The following RBM6 variants were observed in gnomAD, a reference collection of about 807,000 sequenced individuals.
RBM6 encodes the protein RNA-binding protein 6.
Under a neutral mutation model 140.4 loss-of-function variants are expected in RBM6, and 23 were observed. The ratio of observed to expected loss-of-function variants is 0.16; its 90% CI spans 0.12 to 0.23. RBM6 has a LOEUF of 0.23. Among genes scored for constraint, RBM6 ranks in the 10% least tolerant of loss-of-function variants. The probability of loss-of-function intolerance (pLI) is 1.00; values close to 1 mark genes in which losing one functional copy is unlikely to be tolerated. For missense variants in RBM6, 1,139 were observed against 1,386.7 expected (o/e 0.82, Z 2.84); for synonymous variants, 439 against 475.6 (o/e 0.92, Z 1.00).
intron 6 of RBM6, among the ~76,000 whole-genome samples, chr3:50,003,633 G>T (rs1397814283): frequency 6.6e-6 from 1 of 152,192 alleles, no homozygotes; most frequent in Non-Finnish European, 1.5e-5. Flanking sequence ...AGTTGCTCAA[G>T]ATGATAACCA....
chr3:49,994,669 G>GGGGTGTGTGT (rs148704782), intron 5 of RBM6, among the ~76,000 whole-genome samples: 179 of 148,236 alleles, frequency 1.2e-3, no homozygotes, highest in East Asian at 2.4e-3. Flanking sequence ...AAGGCTGTGG[G>GGGGTGTGTGT]GTGTGTGTGT....
intron 5 of RBM6, among the ~76,000 whole-genome samples, chr3:49,982,267 T>TC (rs2085341867): frequency 8.0e-6 from 1 of 124,910 alleles, no homozygotes; most frequent in South Asian, 2.4e-4. Flanking sequence ...CTTTTCTTTT[T>TC]TTTTTTTTTT....
chr3:50,008,243 C>T (rs1235223346), intron 6 of RBM6, among the ~76,000 whole-genome samples: 1 of 152,264 alleles, frequency 6.6e-6, no homozygotes, highest in Admixed American at 6.5e-5. Flanking sequence ...TTTAAGGGAA[C>T]CTTCTGATAT....
At chr3:50,016,648 G>A (rs1380241569) in intron 6 of RBM6, among the ~76,000 whole-genome samples, 2 of 151,856 alleles carry the variant, frequency 1.3e-5, no homozygotes, top group African/African-American at 4.8e-5. Context: ...ATGCTAACAA[G>A]TATGAGGTGA....
chr3:50,011,866 T>G (rs7634917), intron 6 of RBM6, among the ~76,000 whole-genome samples: 65,201 of 144,288 alleles, frequency 0.45, 14,805 homozygotes, highest in East Asian at 0.84. Flanking sequence ...TTTCTTTTTT[T>G]CTGGGACACA....
chr3:49,993,834 C>T lies in RBM6; in HGVS notation c.1484-5606C>T, dbSNP rs939402984. On this transcript the variant is annotated intron_variant, in intron 5 of 20. Coordinates refer to ENST00000266022, the MANE Select transcript of RBM6 (RefSeq NM_005777.3). ...CTGCACGCCTGTAATCCCAGCTATTCGGGAGCCTGAGGCAGGAGAATCACT... is the reference window on the plus strand; with the variant it reads ...CTGCACGCCTGTAATCCCAGCTATTTGGGAGCCTGAGGCAGGAGAATCACT... Among the ~76,000 whole-genome samples the T allele has an allele frequency of 4.0e-5, 6 of 151,856 alleles. No individual in the cohort carries two copies. In the East Asian group the frequency reaches 7.7e-4, roughly 20 times the overall value.
At chr3:49,997,699 C>T (rs2086151373) in intron 5 of RBM6, among the ~76,000 whole-genome samples, 3 of 152,160 alleles carry the variant, frequency 2.0e-5, no homozygotes, top group African/African-American at 7.2e-5. Context: ...ATATTTGGTG[C>T]TAACAGGTGT....
At chr3:50,009,656 A>G (rs1459752896) in intron 6 of RBM6, among the ~76,000 whole-genome samples, 1 of 151,246 alleles carries the variant, frequency 6.6e-6, no homozygotes, top group Admixed American at 6.6e-5. Flanking sequence ...TCCTGGGTTC[A>G]AGCCATCCTC....
chr3:49,959,760 C>T (rs13083396), intron 1 of RBM6, among the ~76,000 whole-genome samples: 33,489 of 151,146 alleles, frequency 0.22, 4,003 homozygotes, highest in Middle Eastern at 0.28. Flanking sequence ...TTAGTAGAGA[C>T]GGGGTGTCAC....
intron 1 of RBM6, among the ~76,000 whole-genome samples, chr3:49,954,989 G>A (rs1463735048): frequency 6.6e-6 from 1 of 151,930 alleles, no homozygotes; most frequent in African/African-American, 2.4e-5. Flanking sequence ...TCGATCTCCT[G>A]ACCTCGTGAT....
intron 1 of RBM6, among the ~76,000 whole-genome samples, chr3:49,958,873 A>C (rs2084141560): frequency 6.9e-6 from 1 of 145,058 alleles, no homozygotes; most frequent in Non-Finnish European, 1.5e-5. Flanking sequence ...AGCTCACTGC[A>C]ACCAACCCCC....
chr3:49,949,074 T>C (rs931289824), intron 1 of RBM6, among the ~76,000 whole-genome samples: 1 of 151,456 alleles, frequency 6.6e-6, no homozygotes, highest in South Asian at 2.1e-4. Context: ...TGTGATCCGC[T>C]GGCCTCAGCC....
At chr3:50,017,557 C>CAA (rs1170241089) in intron 6 of RBM6, among the ~76,000 whole-genome samples, 2 of 70,008 alleles carry the variant, frequency 2.9e-5, no homozygotes, top group African/African-American at 5.6e-5. Context: ...GACTCTGTCT[C>CAA]AAAAAAAAAA....
intron 3 of RBM6, among the ~76,000 whole-genome samples, chr3:49,969,822 G>A (rs1294986743): frequency 6.6e-6 from 1 of 151,558 alleles, no homozygotes; most frequent in East Asian, 1.9e-4. Context: ...AGGCTGAAGT[G>A]CAGTTGTGCG....
rs141372302 is a variant in RBM6 at position 50,008,171 on chromosome 3, G to A, written c.1557+8658G>A. Among the ~76,000 whole-genome samples, 7 of 152,240 alleles carry A rather than the reference G, an allele frequency of 4.6e-5. No individual in the cohort carries two copies. The East Asian group carries it at 1.3e-3, about 29-fold the overall frequency. ...CTCAGGCTCTTTAATTATGAGAGGTGCTCTAAACGACTCATTTTAATTCTC... is the reference window on the plus strand; with the variant it reads ...CTCAGGCTCTTTAATTATGAGAGGTACTCTAAACGACTCATTTTAATTCTC... On this transcript the variant is annotated intron_variant, in intron 6 of 20. Coordinates refer to ENST00000266022, the MANE Select transcript of RBM6 (RefSeq NM_005777.3).
intron 4 of RBM6, among the ~76,000 whole-genome samples, chr3:49,975,099 A>G (rs1253796105): frequency 1.3e-5 from 2 of 151,966 alleles, no homozygotes; most frequent in African/African-American, 2.4e-5. Context: ...TTGGCCTCCC[A>G]AAGTGCTGGG....
At chr3:49,984,940 C>T (rs1380236515) in intron 5 of RBM6, among the ~76,000 whole-genome samples, 1 of 152,202 alleles carries the variant, frequency 6.6e-6, no homozygotes, top group Non-Finnish European at 1.5e-5. Flanking sequence ...TGGAATTTGC[C>T]TCTCTGAGGT....
chr3:50,058,058 A>G (rs2089785661), intron 9 of RBM6, 55 bp downstream of exon 9: 2 of 1,573,574 alleles, frequency 1.3e-6, no homozygotes, highest in East Asian at 4.5e-5. Flanking sequence ...TGGAGCATAG[A>G]TGGCCAATGT....
rs143306093 is a variant in RBM6 at position 50,034,369 on chromosome 3, A to G, written c.1558-13876A>G. Among the ~76,000 whole-genome samples the G allele has an allele frequency of 7.3e-4, 111 of 152,220 alleles. 1 individual carries two copies. Among genetic ancestry groups the G allele is most frequent in the African/African-American group, 2.6e-3 (107 of 41,554 alleles). The stretch of plus-strand genomic sequence containing the variant: ...TGTACATGCTCACGGTGCACTTTAT[A>G]TGACCTGTTGGCATATTTTCTCACT... On this transcript the variant is annotated intron_variant, in intron 6 of 20. Coordinates refer to ENST00000266022, the MANE Select transcript of RBM6 (RefSeq NM_005777.3).
Sources: allele counts gnomAD v4.1 joint callset (sites outside exome capture counted in the v4.1 genomes callset), GRCh38; gene constraint gnomAD v4.1.1; transcripts MANE v1.5; gene names NCBI Gene and HGNC (gene_info 2026-07-23, HGNC 2026-07-21).